The following BRI3BP variants were observed in gnomAD, a reference collection of about 807,000 sequenced individuals.
BRI3BP encodes the protein BRI3 binding protein, also known as BRI3-binding protein.
A neutral mutation model predicts 15.8 loss-of-function variants in BRI3BP; 7 were observed. The ratio of observed to expected loss-of-function variants is 0.44; its 90% CI spans 0.25 to 0.83. The LOEUF is 0.83. BRI3BP is among the 40% of genes least tolerant of loss of function. BRI3BP has a pLI of 0.20. For synonymous variants in BRI3BP, 192 were observed against 163.5 expected (o/e 1.17, Z -1.33); for missense variants, 320 against 339.3 (o/e 0.94, Z 0.45).
chr12:125,010,919 C>T (rs976637340), intron 1 of BRI3BP, among the ~76,000 whole-genome samples: 12 of 151,876 alleles, frequency 7.9e-5, no homozygotes, highest in African/African-American at 2.9e-4. Context: ...CATGGTGAAA[C>T]CCCGTCTCTA....
chr12:125,021,316 C>T (rs571072555), intron 2 of BRI3BP, among the ~76,000 whole-genome samples: 4 of 152,280 alleles, frequency 2.6e-5, no homozygotes, highest in African/African-American at 4.8e-5. Flanking sequence ...CCGTAGGTGT[C>T]GTTATTGACC....
chr12:125,017,297 C>T (rs1339702417), intron 2 of BRI3BP, among the ~76,000 whole-genome samples: 4 of 148,984 alleles, frequency 2.7e-5, no homozygotes, highest in African/African-American at 7.4e-5. Context: ...GCTAGGATTA[C>T]AGGCGTGAGC....
At chr12:125,043,307 C>T in the BRI3BP span, among the ~76,000 whole-genome samples, 3 of 152,098 alleles carry the variant, frequency 2.0e-5, no homozygotes, top group East Asian at 1.9e-4. Flanking sequence ...GCTGGCTGAA[C>T]GTCTGCTGCT....
intron 1 of BRI3BP, among the ~76,000 whole-genome samples, chr12:125,003,239 A>G (rs1955111756): frequency 6.6e-6 from 1 of 152,102 alleles, no homozygotes. Context: ...CAGGAAGGCC[A>G]TTGTCACCCA....
the BRI3BP span, among the ~76,000 whole-genome samples, chr12:125,040,131 G>C: frequency 1.3e-5 from 2 of 151,632 alleles, no homozygotes; most frequent in African/African-American, 4.8e-5. Flanking sequence ...GTGTGGTGGC[G>C]CACGCCTGTA....
At chr12:125,023,029 T>C (rs1955314474) in intron 2 of BRI3BP, among the ~76,000 whole-genome samples, 1 of 152,234 alleles carries the variant, frequency 6.6e-6, no homozygotes. Context: ...CTTTTAACTT[T>C]TTTGTTTGAA....
At chr12:125,018,610 T>C (rs1484130039) in intron 2 of BRI3BP, among the ~76,000 whole-genome samples, 2 of 151,826 alleles carry the variant, frequency 1.3e-5, no homozygotes, top group Admixed American at 1.3e-4. Flanking sequence ...GAGCCAGCCC[T>C]GCTGACACGC....
the BRI3BP span, among the ~76,000 whole-genome samples, chr12:125,045,195 G>T: frequency 6.6e-6 from 1 of 152,104 alleles, no homozygotes; most frequent in South Asian, 2.1e-4. Flanking sequence ...CCACTGCAAA[G>T]AACTTAGCAC....
In BRI3BP at chr12:124,993,835, C is replaced by CCTGCGG. The variant is rs1955016180; in HGVS notation, c.49_50insGGCTGC (p.Leu16_Leu17insArgLeu). On this transcript the variant is annotated inframe_insertion, in exon 1 of 3. Coordinates refer to ENST00000341446, the MANE Select transcript of BRI3BP (RefSeq NM_080626.6). ...GCGGGCCCCTGGCCCGGGCCGGGCT[C>CCTGCGG]CTGCTGCTGCTGCTGCTGCTGCTGC... The CCTGCGG allele has an allele frequency of 3.5e-6, 4 of 1,148,688 alleles. No homozygotes were observed. Among genetic ancestry groups the CCTGCGG allele is most frequent in the Non-Finnish European group, 4.3e-6 (4 of 933,972 alleles). The allele number at this position is 1,148,688 out of a possible 1,614,324, so 71.2% of individuals were successfully genotyped here.
rs549219948 is a variant in BRI3BP, at chr12:125,018,027, G to A, written c.316+5391G>A. The stretch of plus-strand genomic sequence containing the variant: ...GTGGGATGGCGCCCAGCCCATGGTC[G>A]GTATTCAGTAAACACTCGGGGGCTT... On this transcript the variant is annotated intron_variant, in intron 2 of 2. Coordinates refer to ENST00000341446, the MANE Select transcript of BRI3BP (RefSeq NM_080626.6). 2.6e-5 allele frequency among the ~76,000 whole-genome samples: 4 copies of A among 152,162 alleles called. No individual in the cohort carries two copies. In the East Asian group the frequency reaches 7.7e-4, roughly 29 times the overall value.
chr12:125,017,753 AC>A, intron 2 of BRI3BP, among the ~76,000 whole-genome samples: 1 of 152,228 alleles, frequency 6.6e-6, no homozygotes, highest in South Asian at 2.1e-4. Context: ...CGTGTTGCTT[AC>A]CCCTCTGAAG....
chr12:125,022,980 G>GT (rs1249819159), intron 2 of BRI3BP, among the ~76,000 whole-genome samples: 2 of 152,150 alleles, frequency 1.3e-5, no homozygotes, highest in Non-Finnish European at 2.9e-5. Context: ...TTTAATAATT[G>GT]TTCAGTCTAG....
At chr12:124,995,074 G>T (rs1040353354) in intron 1 of BRI3BP, among the ~76,000 whole-genome samples, 9 of 152,198 alleles carry the variant, frequency 5.9e-5, no homozygotes, top group Admixed American at 1.3e-4. Context: ...GAATAGAAGG[G>T]AATATGAAGG....
chr12:125,004,563 A>G (rs573594806), intron 1 of BRI3BP, among the ~76,000 whole-genome samples: 2 of 152,356 alleles, frequency 1.3e-5, no homozygotes, highest in South Asian at 4.1e-4. Flanking sequence ...AAAATTGTGA[A>G]GATAATACAG....
the BRI3BP span, among the ~76,000 whole-genome samples, chr12:125,049,525 G>T: frequency 2.7e-5 from 4 of 148,952 alleles, no homozygotes; most frequent in Admixed American, 6.7e-5. Flanking sequence ...CGGTGGTTTC[G>T]GGTTGGGGAG....
chr12:125,027,585 G>C lies in BRI3BP; in HGVS notation c.*2155G>C, dbSNP rs1415586296. The C allele has an allele frequency of 6.6e-6, 1 of 152,192 alleles. No individual in the cohort carries two copies. Among genetic ancestry groups the C allele is most frequent in the Admixed American group, 6.5e-5 (1 of 15,272 alleles). 9.4% of individuals were successfully genotyped at this position (152,192 alleles called of 1,614,324 possible). ...CTTGGGAGGCTGAGGCTGGAGAATC[G>C]CTTGAACATGGGAGGCGGAGGTTGC... On this transcript the variant is annotated 3_prime_UTR_variant, in exon 3 of 3. Transcript: ENST00000341446.
At chr12:125,034,516 T>C (rs1009995582), downstream of BRI3BP, among the ~76,000 whole-genome samples, 2 of 151,944 alleles carry the variant, frequency 1.3e-5, no homozygotes, top group African/African-American at 2.4e-5. Context: ...TCAGGGCCCT[T>C]TGGGGTCCCT....
chr12:125,022,541 A>ATTTATTATTTTTTTTT, intron 2 of BRI3BP, among the ~76,000 whole-genome samples: 1 of 139,404 alleles, frequency 7.2e-6, no homozygotes, highest in African/African-American at 2.9e-5. Context: ...TTATTTATTT[A>ATTTATTATTTTTTTTT]TTTTTTGAGA....
At chr12:124,994,215 T>G (rs1955021249) in intron 1 of BRI3BP, among the ~76,000 whole-genome samples, 1 of 151,822 alleles carries the variant, frequency 6.6e-6, no homozygotes. Context: ...CGGGGCGCCC[T>G]CTCCTCTGCG....
Sources: allele counts gnomAD v4.1 joint callset (sites outside exome capture counted in the v4.1 genomes callset), GRCh38; gene constraint gnomAD v4.1.1; transcripts MANE v1.5; gene names NCBI Gene and HGNC (gene_info 2026-07-23, HGNC 2026-07-21).